The following TAS2R1 variants were observed in gnomAD, a reference collection of about 807,000 sequenced individuals.
TAS2R1 encodes taste 2 receptor member 1, also known as taste receptor type 2 member 1.
For missense variants in TAS2R1, 370 were observed against 353.4 expected, an observed-to-expected ratio of 1.05 and a Z score of -0.38; for synonymous variants, 141 against 134.2, an observed-to-expected ratio of 1.05 and a Z score of -0.35.
At chr5:9,820,693 TA>T in the TAS2R1 span, among the ~76,000 whole-genome samples, 4 of 152,194 alleles carry the variant, frequency 2.6e-5, no homozygotes, top group African/African-American at 4.8e-5. Flanking sequence ...TTGATTTAGA[TA>T]AATCCAACCA....
At chr5:9,886,334 T>A in the TAS2R1 span, among the ~76,000 whole-genome samples, 20 of 143,404 alleles carry the variant, frequency 1.4e-4, no homozygotes, top group African/African-American at 4.9e-4. Flanking sequence ...GCCCAGCATT[T>A]TTTTTTTTTT....
the TAS2R1 span, among the ~76,000 whole-genome samples, chr5:9,743,079 A>C: frequency 6.6e-6 from 1 of 152,012 alleles, no homozygotes; most frequent in Non-Finnish European, 1.5e-5. Context: ...AAAAAAAAAA[A>C]AGCCTGAGCC....
At chr5:9,828,641 A>T in the TAS2R1 span, among the ~76,000 whole-genome samples, 1 of 152,202 alleles carries the variant, frequency 6.6e-6, no homozygotes, top group Non-Finnish European at 1.5e-5. Context: ...TGCATAATTC[A>T]TATCCCTGTT....
chr5:9,879,443 C>A, the TAS2R1 span, among the ~76,000 whole-genome samples: 2 of 152,144 alleles, frequency 1.3e-5, no homozygotes, highest in Non-Finnish European at 2.9e-5. Context: ...CTCCAGTTTG[C>A]CCTCTTGGGA....
At chr5:9,859,298 G>T in the TAS2R1 span, among the ~76,000 whole-genome samples, 205 of 152,288 alleles carry the variant, frequency 1.3e-3, 4 homozygotes, top group East Asian at 0.012. Context: ...GAAAGCAAAG[G>T]TATAAAATGA....
chr5:9,895,960 T>G, the TAS2R1 span, among the ~76,000 whole-genome samples: 3 of 152,256 alleles, frequency 2.0e-5, no homozygotes, highest in Non-Finnish European at 4.4e-5. Flanking sequence ...GGGTTAGGGA[T>G]GGGTCTTTAC....
the TAS2R1 span, among the ~76,000 whole-genome samples, chr5:9,866,176 C>T: frequency 6.6e-6 from 1 of 152,142 alleles, no homozygotes; most frequent in Admixed American, 6.5e-5. Context: ...TACCATGATG[C>T]CCATTGATTG....
At chr5:9,773,821 T>G in the TAS2R1 span, among the ~76,000 whole-genome samples, 1 of 152,316 alleles carries the variant, frequency 6.6e-6, no homozygotes, top group Middle Eastern at 3.4e-3. Flanking sequence ...GTTATTTATT[T>G]TCTCCTGCTG....
At chr5:9,821,301 ACCACCACCACCAC>A in the TAS2R1 span, among the ~76,000 whole-genome samples, 2 of 152,166 alleles carry the variant, frequency 1.3e-5, no homozygotes, top group East Asian at 3.9e-4. Flanking sequence ...ACTCAAGCAC[ACCACCACCACCAC>A]CACCCCCTTC....
chr5:9,667,455 A>G (rs1740657297), intron 1 of TAS2R1, among the ~76,000 whole-genome samples: 1 of 152,230 alleles, frequency 6.6e-6, no homozygotes, highest in Non-Finnish European at 1.5e-5. Flanking sequence ...CACACCTGCT[A>G]GAGCTTCCTG....
the TAS2R1 span, chr5:9,889,762 A>G: frequency 6.6e-6 from 1 of 152,238 alleles, no homozygotes; most frequent in Non-Finnish European, 1.5e-5. Context: ...AGAAGTGGAT[A>G]CCAAGTCATC....
At chr5:9,829,183 AT>A in the TAS2R1 span, among the ~76,000 whole-genome samples, 3 of 152,258 alleles carry the variant, frequency 2.0e-5, no homozygotes, top group African/African-American at 7.2e-5. Context: ...CAAAGTAATC[AT>A]TGTTTAGCCA....
chr5:9,657,098 A>G (rs1740430932), intron 2 of TAS2R1, among the ~76,000 whole-genome samples: 1 of 152,158 alleles, frequency 6.6e-6, no homozygotes, highest in African/African-American at 2.4e-5. Flanking sequence ...AATATACAAT[A>G]TATACAATAC....
intron 1 of TAS2R1, among the ~76,000 whole-genome samples, chr5:9,706,298 C>T (rs1486145458): frequency 6.6e-6 from 1 of 152,178 alleles, no homozygotes; most frequent in Non-Finnish European, 1.5e-5. Context: ...CCTGGCCATA[C>T]TCAGAACCAG....
chr5:9,772,422 T>C, the TAS2R1 span, among the ~76,000 whole-genome samples: 65 of 152,192 alleles, frequency 4.3e-4, 2 homozygotes, highest in South Asian at 0.013. Flanking sequence ...TGTGACCTTA[T>C]ATGTGGTGTA....
the TAS2R1 span, among the ~76,000 whole-genome samples, chr5:9,784,510 T>C: frequency 2.6e-5 from 4 of 152,210 alleles, no homozygotes; most frequent in East Asian, 1.9e-4. Flanking sequence ...CCTGGGAGGA[T>C]AGCACAGGGT....
the TAS2R1 span, among the ~76,000 whole-genome samples, chr5:9,807,230 A>G: frequency 8.5e-5 from 13 of 152,206 alleles, no homozygotes; most frequent in African/African-American, 3.1e-4. Context: ...AAGAATGGCC[A>G]TATTCAAAAA....
chr5:9,757,639 T>C, the TAS2R1 span, among the ~76,000 whole-genome samples: 2 of 152,198 alleles, frequency 1.3e-5, no homozygotes, highest in Non-Finnish European at 2.9e-5. Flanking sequence ...TATTCTGCAT[T>C]ACTTACACAA....
At chr5:9,631,889 A>G (rs1739879209), upstream of TAS2R1, among the ~76,000 whole-genome samples, 1 of 152,204 alleles carries the variant, frequency 6.6e-6, no homozygotes, top group Non-Finnish European at 1.5e-5. Flanking sequence ...GAGATGAAGG[A>G]AAGAGACAGG....
Sources: allele counts gnomAD v4.1 joint callset (sites outside exome capture counted in the v4.1 genomes callset), GRCh38; gene constraint gnomAD v4.1.1; transcripts MANE v1.5; gene names NCBI Gene and HGNC (gene_info 2026-07-23, HGNC 2026-07-21).